Variants in RNLS observed in about 807,000 individuals in gnomAD.
RNLS encodes the protein renalase, FAD dependent amine oxidase.
In RNLS, 39 loss-of-function variants were observed where a neutral mutation model predicts 39.8. That is an observed-to-expected ratio of 0.98 (90% CI 0.76 to 1.28). RNLS has a LOEUF of 1.28. RNLS is among the 50% of genes most tolerant of loss of function. The pLI is 0.00. For synonymous variants in RNLS, 147 were observed against 150.7 expected, an observed-to-expected ratio of 0.98 and a Z score of 0.18; for missense variants, 410 against 413.3, an observed-to-expected ratio of 0.99 and a Z score of 0.07.
At chr10:88,351,883 G>T (rs919075444) in intron 5 of RNLS, among the ~76,000 whole-genome samples, 2 of 152,180 alleles carry the variant, frequency 1.3e-5, no homozygotes, top group East Asian at 3.8e-4. Context: ...ATTTTGTTGA[G>T]TAGTGGTTTG....
chr10:88,525,784 C>G (rs550919477), intron 4 of RNLS, among the ~76,000 whole-genome samples: 1 of 152,186 alleles, frequency 6.6e-6, no homozygotes, highest in Non-Finnish European at 1.5e-5. Context: ...TGGGGTACAA[C>G]TAGGCTAATA....
rs574760917 is a variant in RNLS, at chr10:88,486,825, C to G, written c.526+86078G>C. ...TGGTGATTCCTCAAAGACCTAAAAA[C>G]AGAAATATCATTCAACCCAGCAATC... On this transcript the variant is annotated intron_variant, in intron 4 of 6. Transcript: ENST00000331772. Among the ~76,000 whole-genome samples the G allele has an allele frequency of 2.0e-5, 3 of 152,266 alleles. No homozygotes were observed. In the East Asian group the frequency reaches 5.8e-4, roughly 29 times the overall value.
intron 4 of RNLS, among the ~76,000 whole-genome samples, chr10:88,531,424 C>T (rs1847419185): frequency 6.6e-6 from 1 of 151,910 alleles, no homozygotes; most frequent in Admixed American, 6.6e-5. Flanking sequence ...TGAAAAACCC[C>T]CGTTAGATTA....
the RNLS span, among the ~76,000 whole-genome samples, chr10:88,225,786 GT>G: frequency 6.6e-6 from 1 of 152,110 alleles, no homozygotes; most frequent in Admixed American, 6.6e-5. Context: ...ATTTTACTAA[GT>G]AACTAGTTAT....
chr10:88,382,217 AAGAAG>A (rs753669977), intron 4 of RNLS, among the ~76,000 whole-genome samples: 5 of 152,098 alleles, frequency 3.3e-5, no homozygotes, highest in Admixed American at 1.3e-4. Context: ...AAAACAGTAA[AAGAAG>A]AGAAAAGTGG....
At chr10:88,268,568 A>T in the RNLS span, among the ~76,000 whole-genome samples, 2 of 152,216 alleles carry the variant, frequency 1.3e-5, no homozygotes, top group African/African-American at 4.8e-5. Context: ...GGCTTAAGCG[A>T]AAGAAGAACT....
At chr10:88,439,330 GC>G (rs1237167330) in intron 4 of RNLS, among the ~76,000 whole-genome samples, 3 of 152,102 alleles carry the variant, frequency 2.0e-5, no homozygotes, top group African/African-American at 7.2e-5. Context: ...GGCATTATAA[GC>G]CCCAACACTT....
chr10:88,204,647 G>A, the RNLS span, among the ~76,000 whole-genome samples: 4 of 152,038 alleles, frequency 2.6e-5, no homozygotes, highest in Non-Finnish European at 5.9e-5. Flanking sequence ...TACTGAGGTG[G>A]GTATTATTAT....
At chr10:88,214,534 A>G in the RNLS span, among the ~76,000 whole-genome samples, 3 of 149,748 alleles carry the variant, frequency 2.0e-5, no homozygotes, top group African/African-American at 7.4e-5. Flanking sequence ...CTCAGTTAAC[A>G]GGGTCTGAAT....
chr10:88,370,851 T>C (rs978509720), intron 4 of RNLS, among the ~76,000 whole-genome samples: 1 of 152,176 alleles, frequency 6.6e-6, no homozygotes, highest in Non-Finnish European at 1.5e-5. Context: ...GAATCAGTCT[T>C]GTTTCACTTC....
At chr10:88,503,226 C>T (rs1845600429) in intron 4 of RNLS, among the ~76,000 whole-genome samples, 1 of 152,046 alleles carries the variant, frequency 6.6e-6, no homozygotes, top group Non-Finnish European at 1.5e-5. Context: ...ACTAAAAATA[C>T]AAAAACTAGC....
chr10:88,360,043 G>T (rs1328370084), intron 5 of RNLS, among the ~76,000 whole-genome samples: 1 of 152,196 alleles, frequency 6.6e-6, no homozygotes, highest in African/African-American at 2.4e-5. Flanking sequence ...TCTCTAAAAT[G>T]TCATGTGGTT....
chr10:88,312,562 G>A (rs1342953002), intron 6 of RNLS, among the ~76,000 whole-genome samples: 1 of 152,152 alleles, frequency 6.6e-6, no homozygotes, highest in Admixed American at 6.5e-5. Flanking sequence ...TGAGAGGCAG[G>A]TAGACTGGTT....
At chr10:88,563,602 G>C (rs945518236) in intron 4 of RNLS, among the ~76,000 whole-genome samples, 24 of 152,150 alleles carry the variant, frequency 1.6e-4, no homozygotes, top group Admixed American at 1.3e-3. Flanking sequence ...TGAAGCCAGA[G>C]AATGTAGCCA....
At chr10:88,513,712 A>G (rs1180809657) in intron 4 of RNLS, among the ~76,000 whole-genome samples, 3 of 152,254 alleles carry the variant, frequency 2.0e-5, no homozygotes, top group African/African-American at 7.2e-5. Flanking sequence ...ATGTATGCAT[A>G]TTTCCTAGAA....
intron 4 of RNLS, among the ~76,000 whole-genome samples, chr10:88,489,903 T>C (rs1564842680): frequency 6.6e-6 from 1 of 152,198 alleles, no homozygotes; most frequent in Non-Finnish European, 1.5e-5. Flanking sequence ...CCTAACTCTT[T>C]TATGAATTAC....
Position 88,319,742 on chromosome 10 carries a change from A to C in RNLS, c.701-5101T>G, listed in dbSNP as rs185876204. Among the ~76,000 whole-genome samples, 700 of 152,230 alleles carry C rather than the reference A, an allele frequency of 4.6e-3. 8 individuals are homozygous for C. Among genetic ancestry groups the C allele is most frequent in the African/African-American group, 0.016 (662 of 41,570 alleles). Reference sequence around the variant, plus strand: ...TTAATCCAGTCAGACAAAAATAAAAAAGAATTTAGAAAAATGAAGAAAGCC... The same window carrying C: ...TTAATCCAGTCAGACAAAAATAAAACAGAATTTAGAAAAATGAAGAAAGCC... On this transcript the variant is annotated intron_variant, in intron 5 of 6. Transcript: ENST00000331772.
chr10:88,437,862 C>T (rs1015157182), intron 4 of RNLS, among the ~76,000 whole-genome samples: 1 of 152,080 alleles, frequency 6.6e-6, no homozygotes, highest in Non-Finnish European at 1.5e-5. Flanking sequence ...CGTGGTGGCT[C>T]ATGCCTGTAA....
In RNLS at chr10:88,528,621, G is replaced by A. The variant is rs377509211; in HGVS notation, c.526+44282C>T. Among the ~76,000 whole-genome samples the A allele has an allele frequency of 8.0e-4, 121 of 151,816 alleles. 3 individuals are homozygous for A. Among genetic ancestry groups the A allele is most frequent in the Admixed American group, 7.2e-4 (11 of 15,222 alleles). On this transcript the variant is annotated intron_variant, in intron 4 of 6. Transcript: ENST00000331772. Reference sequence around the variant, plus strand: ...AGCACTTTGGGAGGCCGAGGCGGGCGGATCACTTGAGGCCAGGAGTTCAAG... The same window carrying A: ...AGCACTTTGGGAGGCCGAGGCGGGCAGATCACTTGAGGCCAGGAGTTCAAG...
Sources: allele counts gnomAD v4.1 joint callset (sites outside exome capture counted in the v4.1 genomes callset), GRCh38; gene constraint gnomAD v4.1.1; transcripts MANE v1.5; gene names NCBI Gene and HGNC (gene_info 2026-07-23, HGNC 2026-07-21).